The following ARAP3 variants were observed in gnomAD, a reference collection of about 807,000 sequenced individuals.
ARAP3 encodes ArfGAP with RhoGAP domain, ankyrin repeat and PH domain 3.
In ARAP3, 82 loss-of-function variants were observed where a neutral mutation model predicts 169.2. The ratio of observed to expected loss-of-function variants is 0.48; its 90% CI spans 0.41 to 0.58. The LOEUF (loss-of-function observed/expected upper bound fraction) is 0.58. Ranked by LOEUF, ARAP3 falls within the 20% of genes least tolerant of loss-of-function variation. ARAP3 has a pLI of 0.00. For missense variants in ARAP3, 1,764 were observed against 2,018.0 expected (o/e 0.87, Z 2.41); for synonymous variants, 791 against 800.3 (o/e 0.99, Z 0.20).
chr5:141,672,492 G>A lies in ARAP3; in HGVS notation c.1385+60C>T. 1 of 1,582,910 alleles carries A rather than the reference G, an allele frequency of 6.3e-7. No individual in the cohort carries two copies. The highest frequency in any genetic ancestry group is 8.6e-7 in the Non-Finnish European group (1 of 1,160,046). On this transcript the variant is annotated intron_variant, in intron 9 of 32. Transcript: ENST00000239440. This position sits in a 1 kb window ranked among gnomAD's most constrained non-coding sequence, Gnocchi z 4.9. Reference sequence around the variant, plus strand: ...CTACTAAAGAGGCCTCTAGTCCTCTGCACCCTTGTGCCTCCCGCAAAAGTC... The same window carrying A: ...CTACTAAAGAGGCCTCTAGTCCTCTACACCCTTGTGCCTCCCGCAAAAGTC...
At chr5:141,666,066 A>G (rs2099910603) in intron 17 of ARAP3, among the ~76,000 whole-genome samples, 1 of 148,070 alleles carries the variant, frequency 6.8e-6, no homozygotes, top group Non-Finnish European at 1.5e-5. Context: ...AATAATAATA[A>G]TAATAATAAC....
chr5:141,660,421 G>A (rs2099909792), intron 21 of ARAP3, among the ~76,000 whole-genome samples: 1 of 151,094 alleles, frequency 6.6e-6, no homozygotes, highest in African/African-American at 2.4e-5. Flanking sequence ...GTGAACCCTG[G>A]AGGCGGAGCT....
At chr5:141,665,284 C>G (rs1449920958) in intron 18 of ARAP3, 27 bp downstream of exon 18, 1 of 1,613,474 alleles carries the variant, frequency 6.2e-7, no homozygotes, top group South Asian at 1.1e-5. Flanking sequence ...GAAGGGGAGC[C>G]CCAGGTCAAG....
intron 17 of ARAP3, 141 bp from the exon 18 acceptor site, chr5:141,665,515 A>G: frequency 1.3e-6 from 1 of 781,192 alleles, no homozygotes; most frequent in African/African-American, 1.8e-5. Context: ...GTTATGTACT[A>G]TTATTCCCAT....
rs753273592 is a variant in ARAP3, at chr5:141,658,345, A to G, written c.3526+20T>C. On this transcript the variant is annotated intron_variant, in intron 25 of 32. Coordinates refer to ENST00000239440, the MANE Select transcript of ARAP3 (RefSeq NM_022481.6). ...CACGCATATACACATGCATGAACAC[A>G]CAGGCGTGGTCATACTCACCCAGCT... The G allele has an allele frequency of 8.7e-6, 14 of 1,608,528 alleles. No homozygotes were observed. The highest frequency in any genetic ancestry group is 1.0e-5 in the Non-Finnish European group (12 of 1,176,594).
chr5:141,653,631 G>T lies in ARAP3; in HGVS notation c.*319C>A. Reference sequence around the variant, plus strand: ...CCAAAATCTCTCATGGAACCCCTACGTATCAAATATATAAAGCAGGAGCTG... The same window carrying T: ...CCAAAATCTCTCATGGAACCCCTACTTATCAAATATATAAAGCAGGAGCTG... On this transcript the variant is annotated 3_prime_UTR_variant, in exon 33 of 33. Transcript: ENST00000239440. 4.2e-6 allele frequency: 1 copy of T among 236,126 alleles called. No homozygotes were observed. The highest frequency in any genetic ancestry group is 8.1e-6 in the Non-Finnish European group (1 of 123,592). The allele number at this position is 236,126 out of a possible 1,614,324, so 14.6% of individuals were successfully genotyped here. A position where few individuals can be genotyped will look rare whatever the true frequency, so the allele number is the denominator to read the frequency against.
intron 32 of ARAP3, 114 bp downstream of exon 32, chr5:141,655,245 CACA>C: frequency 1.8e-6 from 2 of 1,093,314 alleles, no homozygotes; most frequent in East Asian, 5.2e-5. Flanking sequence ...CACACACACA[CACA>C]CACACACACA....
At position 141,680,491 on chromosome 5, in the gene ARAP3, G is replaced by A. The variant is rs1596501722; in HGVS notation, c.-5C>T. On this transcript the variant is annotated 5_prime_UTR_variant, in exon 2 of 33. Coordinates refer to ENST00000239440, the MANE Select transcript of ARAP3 (RefSeq NM_022481.6). ...CAGGTCCTGAGGGGCAGCCATGGGG[G>A]CTCAGGCCATTGCTGGGGGGAGGGG... 6.3e-7 allele frequency: 1 copy of A among 1,586,212 alleles called. No homozygotes were observed. The highest frequency in any genetic ancestry group is 8.6e-7 in the Non-Finnish European group (1 of 1,168,172).
At position 141,673,711 on chromosome 5, in the gene ARAP3, C is replaced by T. The variant is rs1377802751; in HGVS notation, c.796G>A (p.Glu266Lys). 38 of 1,614,106 alleles carry T rather than the reference C, an allele frequency of 2.4e-5. No individual in the cohort carries two copies. The highest frequency in any genetic ancestry group is 4.5e-5 in the East Asian group (2 of 44,886). Reference protein sequence around the residue: ...STLLSPTLETEETSDDLISPY... With the variant: ...STLLSPTLETKETSDDLISPY... ...GAAATGAGGTCATCACTGGTCTCCTCTGTTTCCAGGGTGGGCGATAAGAGG... is the reference window on the plus strand; with the variant it reads ...GAAATGAGGTCATCACTGGTCTCCTTTGTTTCCAGGGTGGGCGATAAGAGG... The change falls in exon 5 of 33, where the codon GAG becomes AAG. Residue 266 changes from glutamate (E) to lysine (K), a missense_variant. Transcript: ENST00000239440.
chr5:141,660,387 G>A (rs1010726409), intron 21 of ARAP3, among the ~76,000 whole-genome samples: 3 of 151,488 alleles, frequency 2.0e-5, no homozygotes, highest in South Asian at 2.1e-4. Context: ...CCAGCTACTC[G>A]GGAGGCTGAG....
chr5:141,673,187 C>T (rs1215524718), intron 6 of ARAP3, 54 bp from the exon 7 acceptor site: 4 of 1,610,880 alleles, frequency 2.5e-6, no homozygotes, highest in Non-Finnish European at 3.4e-6. Flanking sequence ...CCATGTGTGC[C>T]AGCCCCTGGG....
intron 4 of ARAP3, among the ~76,000 whole-genome samples, chr5:141,674,233 G>A (rs1381579286): frequency 1.3e-5 from 2 of 152,042 alleles, no homozygotes; most frequent in Non-Finnish European, 2.9e-5. Context: ...AAAGTGTTGG[G>A]ATTACAGGCG....
chr5:141,672,276 G>T lies in ARAP3; in HGVS notation c.1411C>A (p.Arg471=). Reference sequence around the variant, plus strand: ...TGCAGAGCGGCCGCCCAGCTCTGCCGAGCACCCCCAGACTCGGCTGTGAAG... The same window carrying T: ...TGCAGAGCGGCCGCCCAGCTCTGCCTAGCACCCCCAGACTCGGCTGTGAAG... ...FSFTAESGGA[R]QSWAAALQEA... is the part of the protein sequence containing the mutation. The change falls in exon 10 of 33, where the codon CGG becomes AGG. Residue 471 remains arginine, a synonymous_variant. Coordinates refer to ENST00000239440, the MANE Select transcript of ARAP3 (RefSeq NM_022481.6). The surrounding 1 kb of genome is among the most constrained non-coding windows in gnomAD (Gnocchi z 4.9). 1 of 1,614,060 alleles carries T rather than the reference G, an allele frequency of 6.2e-7. No individual in the cohort carries two copies. Among genetic ancestry groups the T allele is most frequent in the South Asian group, 1.1e-5 (1 of 91,070 alleles).
At chr5:141,658,334 T>C (rs1184488013) in intron 25 of ARAP3, 31 bp downstream of exon 25, 1 of 1,604,424 alleles carries the variant, frequency 6.2e-7, no homozygotes, top group East Asian at 2.2e-5. Context: ...CATATACACA[T>C]GCATGAACAC....
chr5:141,666,152 C>G (rs185692147), intron 17 of ARAP3, among the ~76,000 whole-genome samples: 1 of 151,988 alleles, frequency 6.6e-6, no homozygotes, highest in African/African-American at 2.4e-5. Flanking sequence ...CTATTTGAAC[C>G]TCACTACAAC....
In ARAP3 at chr5:141,655,258, ACC is replaced by A. The variant is rs1554222000; in HGVS notation, c.4149+102_4149+103del. ...CACACACACACACACACACACACAC[ACC>A]CCCTGATGGCCTACATGAGGAAAAC... On this transcript the variant is annotated intron_variant, in intron 32 of 32. Transcript: ENST00000239440. 1.0e-3 allele frequency: 1,133 copies of A among 1,109,172 alleles called. 17 individuals carry two copies. In the African/African-American group the frequency reaches 0.012, roughly 12 times the overall value. 68.7% of individuals were successfully genotyped at this position (1,109,172 alleles called of 1,614,324 possible).
At chr5:141,655,156 TCA>T (rs149608722) in intron 32 of ARAP3, among the ~76,000 whole-genome samples, 14 of 133,532 alleles carry the variant, frequency 1.0e-4, no homozygotes, top group African/African-American at 2.3e-4. Flanking sequence ...TCTCTCTCTC[TCA>T]CACACACACA....
At chr5:141,679,883 C>T in intron 2 of ARAP3, 61 bp from the exon 3 acceptor site, 1 of 1,610,872 alleles carries the variant, frequency 6.2e-7, no homozygotes, top group South Asian at 1.1e-5. Flanking sequence ...CCTTCATGCC[C>T]TGCTCCCCGC....
At chr5:141,669,863 C>G (rs776500600) in intron 15 of ARAP3, 52 bp from the exon 16 acceptor site, 1 of 1,610,710 alleles carries the variant, frequency 6.2e-7, no homozygotes, top group South Asian at 1.1e-5. Context: ...AGAGGGCTGT[C>G]AGGCTGGAGG....
Sources: gnomAD v4.1 joint callset for allele counts (sites outside exome capture counted in the v4.1 genomes callset) on GRCh38, gnomAD v4.1.1 for gene constraint, Gnocchi (gnomAD v3.1) non-coding constraint, MANE v1.5 for transcripts, NCBI Gene and HGNC (gene_info 2026-07-23, HGNC 2026-07-21) for gene names.